Variants in HTT observed in about 807,000 individuals in gnomAD.
HTT encodes huntingtin.
A neutral mutation model predicts 362.3 loss-of-function variants in HTT; 104 were observed. The observed-to-expected ratio is 0.29, with a 90% CI of 0.24 to 0.34. The LOEUF is 0.34. HTT is among the 10% of genes least tolerant of loss of function. The probability of loss-of-function intolerance (pLI) is 1.00; values close to 1 mark genes in which losing one functional copy is unlikely to be tolerated. For synonymous variants in HTT, 1,577 were observed against 1,548.7 expected (o/e 1.02, Z -0.43); for missense variants, 3,301 against 3,928.6 (o/e 0.84, Z 4.27).
At chr4:3,107,600 T>C (rs1714499773) in intron 6 of HTT, among the ~76,000 whole-genome samples, 177 bp downstream of exon 6, 2 of 152,214 alleles carry the variant, frequency 1.3e-5, no homozygotes, top group Non-Finnish European at 2.9e-5. Flanking sequence ...TTCTTTCCAC[T>C]TCTCATTTCT....
At chr4:3,192,865 C>T (rs559054782) in intron 40 of HTT, among the ~76,000 whole-genome samples, 71 of 152,308 alleles carry the variant, frequency 4.7e-4, no homozygotes, top group Admixed American at 1.4e-3. Flanking sequence ...TGGCGTGGCC[C>T]GCCTCCATGC....
At chr4:3,101,474 A>G (rs61792500) in intron 3 of HTT, among the ~76,000 whole-genome samples, 10,163 of 152,214 alleles carry the variant, frequency 0.067, 473 homozygotes, top group African/African-American at 0.13. Flanking sequence ...GGATCTGGCT[A>G]GGTTTGCTCT....
At chr4:3,191,208 T>C (rs1718998139) in intron 40 of HTT, among the ~76,000 whole-genome samples, 1 of 151,782 alleles carries the variant, frequency 6.6e-6, no homozygotes, top group Non-Finnish European at 1.5e-5. Context: ...AGTTTCACTC[T>C]TGTTGCCCAT....
chr4:3,114,481 G>A (rs1427052279), intron 6 of HTT, among the ~76,000 whole-genome samples: 5 of 152,238 alleles, frequency 3.3e-5, no homozygotes, highest in African/African-American at 4.8e-5. Flanking sequence ...CCATGAAAGA[G>A]AAACTTATTT....
At position 3,175,691 on chromosome 4, in the gene HTT, T is replaced by C. The variant is rs192065643; in HGVS notation, c.4407+584T>C. On this transcript the variant is annotated intron_variant, in intron 33 of 66. Coordinates refer to ENST00000355072, the MANE Select transcript of HTT (RefSeq NM_001388492.1). The stretch of plus-strand genomic sequence containing the variant: ...TATAGTTGCTGTGGGCACCAGATTC[T>C]GGCTAGTCCTGTCCCTTCATGATGC... Among the ~76,000 whole-genome samples, 244 of 152,330 alleles carry C rather than the reference T, an allele frequency of 1.6e-3. 2 individuals are homozygous for C. The highest frequency in any genetic ancestry group is 2.9e-3 in the Admixed American group (45 of 15,302).
chr4:3,138,772 C>T lies in HTT; in HGVS notation c.2799-1738C>T, dbSNP rs145468258. 3.9e-4 allele frequency among the ~76,000 whole-genome samples: 59 copies of T among 152,132 alleles called. No homozygotes were observed. In the East Asian group the frequency reaches 0.01, roughly 27 times the overall value. On this transcript the variant is annotated intron_variant, in intron 21 of 66. Coordinates refer to ENST00000355072, the MANE Select transcript of HTT (RefSeq NM_001388492.1). ...AATTACAGGCGAGGGCCACCACTGCCAGCTAATTTTTGTATTTTTTGGTAG... is the reference window on the plus strand; with the variant it reads ...AATTACAGGCGAGGGCCACCACTGCTAGCTAATTTTTGTATTTTTTGGTAG...
At chr4:3,147,965 C>T in intron 25 of HTT, 40 bp from the exon 26 acceptor site, 3 of 1,502,846 alleles carry the variant, frequency 2.0e-6, no homozygotes, top group Middle Eastern at 4.2e-4. Flanking sequence ...CCTTCCCATG[C>T]TATTGGGGTG....
chr4:3,143,593 A>T (rs1578533906), intron 23 of HTT, among the ~76,000 whole-genome samples: 2 of 151,210 alleles, frequency 1.3e-5, no homozygotes, highest in Non-Finnish European at 2.9e-5. Context: ...TTACATTTTT[A>T]TTTTTTTAAT....
At chr4:3,098,797 T>G (rs1343450649) in intron 2 of HTT, among the ~76,000 whole-genome samples, 5 of 152,214 alleles carry the variant, frequency 3.3e-5, no homozygotes, top group Non-Finnish European at 7.3e-5. Context: ...GATAGACTGC[T>G]GAACTGATTT....
rs1007621516 is a variant in HTT at position 3,157,347 on chromosome 4, CTTTG to C, written c.3753+152_3753+155del. ...TTTTTCAAGTTTGTTTGTCTTTCAG[CTTTG>C]TTTATGATAGCTTCTATCATACAGG... On this transcript the variant is annotated intron_variant, in intron 28 of 66. Transcript: ENST00000355072. 9.6e-6 allele frequency: 7 copies of C among 725,714 alleles called. No homozygotes were observed. The African/African-American group carries it at 1.1e-4, about 11-fold the overall frequency. 45.0% of individuals were successfully genotyped at this position (725,714 alleles called of 1,614,324 possible).
chr4:3,160,514 C>G (rs2083291372), intron 29 of HTT, 122 bp downstream of exon 29: 1 of 698,366 alleles, frequency 1.4e-6, no homozygotes, highest in South Asian at 1.6e-5. Flanking sequence ...TCCTCCCTGC[C>G]CCACGTGCTT....
At chr4:3,156,461 A>G (rs1717154389) in intron 27 of HTT, among the ~76,000 whole-genome samples, 1 of 152,216 alleles carries the variant, frequency 6.6e-6, no homozygotes, top group South Asian at 2.1e-4. Flanking sequence ...GATTGACTGT[A>G]GTACAGGAGG....
At chr4:3,210,704 C>G (rs1209100682) in intron 47 of HTT, among the ~76,000 whole-genome samples, 1 of 152,052 alleles carries the variant, frequency 6.6e-6, no homozygotes, top group Non-Finnish European at 1.5e-5. Context: ...GTGCTTTAGC[C>G]CTGCGTTGAT....
intron 1 of HTT, among the ~76,000 whole-genome samples, chr4:3,081,555 T>C (rs926242106): frequency 7.8e-6 from 1 of 127,626 alleles, no homozygotes; most frequent in East Asian, 2.0e-4. Context: ...CATTTCTTTT[T>C]TTTTTTTTTT....
At chr4:3,156,363 G>T (rs537484643) in intron 27 of HTT, among the ~76,000 whole-genome samples, 1 of 152,096 alleles carries the variant, frequency 6.6e-6, no homozygotes, top group Non-Finnish European at 1.5e-5. Flanking sequence ...CAAGTGATCC[G>T]CCTGCCTTGG....
chr4:3,146,768 A>C, intron 24 of HTT, 29 bp from the exon 25 acceptor site: 1 of 1,607,306 alleles, frequency 6.2e-7, no homozygotes, highest in South Asian at 1.1e-5. Flanking sequence ...AATTGTCTAT[A>C]ATTTGACTTT....
At chr4:3,179,547 G>T (rs984417953) in intron 35 of HTT, among the ~76,000 whole-genome samples, 2 of 152,096 alleles carry the variant, frequency 1.3e-5, no homozygotes, top group East Asian at 3.9e-4. Context: ...GTCAAAGAGG[G>T]TTGCATTGTG....
chr4:3,094,538 G>A (rs1713718478), intron 2 of HTT, among the ~76,000 whole-genome samples: 2 of 149,006 alleles, frequency 1.3e-5, no homozygotes, highest in African/African-American at 4.9e-5. Flanking sequence ...GCGGCTGGGC[G>A]GGGGCTGCCC....
chr4:3,086,856 CACTG>C (rs1713234938), intron 1 of HTT, 79 bp from the exon 2 acceptor site: 21 of 728,596 alleles, frequency 2.9e-5, no homozygotes, highest in South Asian at 2.2e-4. Flanking sequence ...GAGAAACACT[CACTG>C]AATGAATGAA....
Sources: gnomAD v4.1 joint callset for allele counts (sites outside exome capture counted in the v4.1 genomes callset) on GRCh38, gnomAD v4.1.1 for gene constraint, MANE v1.5 for transcripts, NCBI Gene and HGNC (gene_info 2026-07-23, HGNC 2026-07-21) for gene names.